Variants in TBL1XR1 observed in about 807,000 individuals in gnomAD.
The protein encoded by TBL1XR1 is TBL1X/Y related 1.
A neutral mutation model predicts 66.9 loss-of-function variants in TBL1XR1; 5 were observed. That is an observed-to-expected ratio of 0.07 (90% CI 0.04 to 0.16). The LOEUF (loss-of-function observed/expected upper bound fraction) is 0.16. TBL1XR1 is among the 10% of genes least tolerant of loss of function. The pLI is 1.00. For synonymous variants in TBL1XR1, 210 were observed against 206.0 expected (o/e 1.02, Z -0.17); for missense variants, 238 against 623.2 (o/e 0.38, Z 6.58).
intron 2 of TBL1XR1, among the ~76,000 whole-genome samples, chr3:177,076,481 C>CTA (rs1170069933): frequency 6.6e-6 from 1 of 152,154 alleles, no homozygotes; most frequent in East Asian, 1.9e-4. Context: ...GACCCTATTT[C>CTA]CAAGTAAGAT....
intron 2 of TBL1XR1, among the ~76,000 whole-genome samples, chr3:177,082,999 C>T (rs1159967653): frequency 1.3e-5 from 2 of 151,518 alleles, no homozygotes; most frequent in Non-Finnish European, 2.9e-5. Flanking sequence ...ACCTCGTGAT[C>T]CATCCGTCTC....
At chr3:177,198,182 A>C (rs997432068), upstream of TBL1XR1, among the ~76,000 whole-genome samples, 2 of 152,190 alleles carry the variant, frequency 1.3e-5, no homozygotes, top group African/African-American at 2.4e-5. Context: ...AGCGACTTTC[A>C]AAATGTGATC....
chr3:177,197,555 G>A (rs1737030536), upstream of TBL1XR1, among the ~76,000 whole-genome samples: 1 of 145,242 alleles, frequency 6.9e-6, no homozygotes, highest in Admixed American at 6.8e-5. Context: ...AAATGAGCTC[G>A]CGAGGCCCGC....
At chr3:177,110,199 C>A (rs1263828088) in intron 1 of TBL1XR1, among the ~76,000 whole-genome samples, 1 of 151,952 alleles carries the variant, frequency 6.6e-6, no homozygotes, top group Non-Finnish European at 1.5e-5. Flanking sequence ...TAACTGTAAC[C>A]CAGAGTCTAT....
chr3:177,049,896 C>T (rs1245048290), intron 7 of TBL1XR1, 101 bp downstream of exon 7: 2 of 1,370,192 alleles, frequency 1.5e-6, no homozygotes, highest in Admixed American at 2.2e-5. Context: ...GTTAATAAAA[C>T]CCCAAATTCT....
chr3:177,135,830 G>A (rs1728928242), intron 1 of TBL1XR1, among the ~76,000 whole-genome samples: 1 of 151,504 alleles, frequency 6.6e-6, no homozygotes, highest in South Asian at 2.1e-4. Flanking sequence ...CATTCTGGTG[G>A]AAGGCTGTTT....
At chr3:177,124,239 G>C (rs1225712947) in intron 1 of TBL1XR1, among the ~76,000 whole-genome samples, 1 of 152,000 alleles carries the variant, frequency 6.6e-6, no homozygotes, top group African/African-American at 2.4e-5. Context: ...CAGAAGTCTG[G>C]GGAAGGATGG....
At chr3:177,091,959 A>C (rs1034672284) in intron 2 of TBL1XR1, among the ~76,000 whole-genome samples, 24 of 152,204 alleles carry the variant, frequency 1.6e-4, no homozygotes, top group African/African-American at 5.5e-4. Flanking sequence ...TGGTTCTAGG[A>C]ATGATCATCA....
chr3:177,104,184 A>G lies in TBL1XR1; in HGVS notation c.-121-5643T>C, dbSNP rs150267104. ...ACCAGAATTGACCCTGCTTAGAAAG[A>G]TTTTTATTAAATTAACTCCCAGGAA... is the stretch of plus-strand genomic sequence containing the variant. On this transcript the variant is annotated intron_variant, in intron 1 of 15. Coordinates refer to ENST00000457928, the MANE Select transcript of TBL1XR1 (RefSeq NM_024665.7). Among the ~76,000 whole-genome samples the G allele has an allele frequency of 4.9e-3, 744 of 152,140 alleles. 6 individuals carry two copies. The highest frequency in any genetic ancestry group is 9.0e-3 in the Non-Finnish European group (613 of 68,008).
At position 177,021,690 on chromosome 3, in the gene TBL1XR1, A is replaced by G. The variant is rs1353861682; in HGVS notation, c.*3808T>C. 6.6e-6 allele frequency: 1 copy of G among 152,508 alleles called. No homozygotes were observed. The highest frequency in any genetic ancestry group is 1.9e-4 in the East Asian group (1 of 5,200). 9.4% of individuals were successfully genotyped at this position (152,508 alleles called of 1,614,324 possible). A position where few individuals can be genotyped will look rare whatever the true frequency, so the allele number is the denominator to read the frequency against. On this transcript the variant is annotated 3_prime_UTR_variant, in exon 16 of 16. Transcript: ENST00000457928. Reference sequence around the variant, plus strand: ...AAAAACAAAGAAAACAAAACGAAAAACCAACCAGGGTCTCTTGTAGATTTG... The same window carrying G: ...AAAAACAAAGAAAACAAAACGAAAAGCCAACCAGGGTCTCTTGTAGATTTG...
Position 177,197,329 on chromosome 3 carries a change from G to GA in TBL1XR1, c.-331_-330insT, listed in dbSNP as rs1171949891. 1.0e-4 allele frequency: 15 copies of GA among 147,128 alleles called. No individual in the cohort carries two copies. The allele number at this position is 147,128 out of a possible 1,614,324, so 9.1% of individuals were successfully genotyped here. A position where few individuals can be genotyped will look rare whatever the true frequency, so the allele number is the denominator to read the frequency against. ...CGGGGAGCGCGGCGCGGGTCCCCAG[G>GA]TGGCGAGCGGAGGTGCTCCCGCCGC... On this transcript the variant is annotated 5_prime_UTR_variant, in exon 1 of 16. Transcript: ENST00000457928.
At chr3:177,194,280 C>G (rs1055965804) in intron 1 of TBL1XR1, among the ~76,000 whole-genome samples, 1 of 152,190 alleles carries the variant, frequency 6.6e-6, no homozygotes, top group African/African-American at 2.4e-5. Context: ...GTATAAATGT[C>G]TCGTGTTAGC....
chr3:177,195,999 G>C (rs1040179424), intron 1 of TBL1XR1, among the ~76,000 whole-genome samples: 2 of 152,118 alleles, frequency 1.3e-5, no homozygotes, highest in Middle Eastern at 3.4e-3. Context: ...AATTATCTTA[G>C]AGACACTTAG....
At chr3:177,180,737 G>C (rs2108966761) in intron 1 of TBL1XR1, among the ~76,000 whole-genome samples, 1 of 149,464 alleles carries the variant, frequency 6.7e-6, no homozygotes, top group East Asian at 2.4e-4. Context: ...AGATTACCCT[G>C]GAATTTTTTT....
intron 12 of TBL1XR1, among the ~76,000 whole-genome samples, chr3:177,036,469 T>C (rs1357855854): frequency 2.0e-5 from 3 of 152,264 alleles, no homozygotes; most frequent in Admixed American, 6.5e-5. Context: ...ATTCTTAGGA[T>C]GAAGAAAAGC....
At chr3:177,177,315 T>C (rs1163860438) in intron 1 of TBL1XR1, among the ~76,000 whole-genome samples, 1 of 152,012 alleles carries the variant, frequency 6.6e-6, no homozygotes, top group Admixed American at 6.6e-5. Flanking sequence ...CCGGGTGTGG[T>C]GGCGTGCGCC....
At chr3:177,178,504 T>C (rs1466802276) in intron 1 of TBL1XR1, among the ~76,000 whole-genome samples, 2 of 151,998 alleles carry the variant, frequency 1.3e-5, no homozygotes, top group African/African-American at 4.8e-5. Context: ...ACAAAGGCAA[T>C]GTGAATAAAA....
At chr3:177,040,702 G>C (rs1373373112) in intron 10 of TBL1XR1, among the ~76,000 whole-genome samples, 1 of 151,810 alleles carries the variant, frequency 6.6e-6, no homozygotes, top group Non-Finnish European at 1.5e-5. Context: ...CCTGGCTAAA[G>C]ACAAATCAGG....
rs1723230522 is a variant in TBL1XR1, at chr3:177,094,615, A to G, written c.-46+3851T>C. Among the ~76,000 whole-genome samples the G allele has an allele frequency of 2.0e-5, 3 of 152,254 alleles. No individual in the cohort carries two copies. The South Asian group carries it at 6.2e-4, about 31-fold the overall frequency. Reference sequence around the variant, plus strand: ...TAAAGAAATTGTGGTATGTGTATATACACCATGGAATACTATTCAGTCACA... The same window carrying G: ...TAAAGAAATTGTGGTATGTGTATATGCACCATGGAATACTATTCAGTCACA... On this transcript the variant is annotated intron_variant, in intron 2 of 15. Coordinates refer to ENST00000457928, the MANE Select transcript of TBL1XR1 (RefSeq NM_024665.7).
Sources: gnomAD v4.1 joint callset for allele counts (sites outside exome capture counted in the v4.1 genomes callset) on GRCh38, gnomAD v4.1.1 for gene constraint, MANE v1.5 for transcripts, NCBI Gene and HGNC (gene_info 2026-07-23, HGNC 2026-07-21) for gene names.